DCLRE1A: variants seen among roughly 807,000 people sequenced by gnomAD.
DCLRE1A encodes DNA cross-link repair 1A protein.
A neutral mutation model predicts 91.9 loss-of-function variants in DCLRE1A; 64 were observed. The observed-to-expected ratio is 0.70, with a 90% CI of 0.57 to 0.86. The LOEUF (loss-of-function observed/expected upper bound fraction) is 0.86. DCLRE1A is among the 40% of genes least tolerant of loss of function. The pLI, the probability that DCLRE1A is intolerant of heterozygous loss-of-function variation, is 0.00. For missense variants in DCLRE1A, 1,145 were observed against 1,213.3 expected, an observed-to-expected ratio of 0.94 and a Z score of 0.84; for synonymous variants, 416 against 431.1, an observed-to-expected ratio of 0.96 and a Z score of 0.43.
chr10:113,845,634 G>A (rs762626147), intron 4 of DCLRE1A, 51 bp downstream of exon 4: 2 of 1,355,428 alleles, frequency 1.5e-6, no homozygotes, highest in South Asian at 1.2e-5. Context: ...CCAATGTGTT[G>A]TCCTTTTGAA....
chr10:113,853,000 C>G lies in DCLRE1A; in HGVS notation c.183G>C (p.Lys61Asn). 1 of 1,614,086 alleles carries G rather than the reference C, an allele frequency of 6.2e-7. No homozygotes were observed. The highest frequency in any genetic ancestry group is 1.1e-5 in the South Asian group (1 of 91,070). ...CATTTCCAAGGGGCACTTCATGGTC[C>G]TTCACCTCTTTAGCTTCTGCGGCTC... ...RKRAAEAKEV[K>N]DHEVPLGNAG... Residue 61 changes from lysine to asparagine, a missense_variant, in exon 1 of 9, where the codon AAG becomes AAC. Coordinates refer to ENST00000361384, the MANE Select transcript of DCLRE1A (RefSeq NM_014881.5).
chr10:113,837,453 C>T (rs572981670), intron 7 of DCLRE1A, among the ~76,000 whole-genome samples: 1 of 152,126 alleles, frequency 6.6e-6, no homozygotes, highest in East Asian at 1.9e-4. Context: ...CAACTTTAAA[C>T]ACAAGTAATT....
chr10:113,843,545 A>C (rs1309652651), intron 5 of DCLRE1A, among the ~76,000 whole-genome samples: 1 of 152,210 alleles, frequency 6.6e-6, no homozygotes, highest in Non-Finnish European at 1.5e-5. Context: ...GAGATATTTT[A>C]ATATATAAAA....
chr10:113,842,746 C>T (rs897565135), intron 5 of DCLRE1A, among the ~76,000 whole-genome samples: 8 of 152,022 alleles, frequency 5.3e-5, no homozygotes, highest in Non-Finnish European at 8.8e-5. Flanking sequence ...TTTTTGAAGA[C>T]TTTTTTCCTC....
At chr10:113,836,968 G>T in intron 8 of DCLRE1A, 94 bp downstream of exon 8, 1 of 1,081,038 alleles carries the variant, frequency 9.3e-7, no homozygotes, top group Non-Finnish European at 1.3e-6. Context: ...ATTCTTTGGT[G>T]CCTGTTTTTG....
chr10:113,853,378 A>T lies in DCLRE1A; in HGVS notation c.-196T>A. 1 of 531,848 alleles carries T rather than the reference A, an allele frequency of 1.9e-6. No individual in the cohort carries two copies. The highest frequency in any genetic ancestry group is 2.7e-5 in the South Asian group (1 of 36,494). The allele number at this position is 531,848 out of a possible 1,614,324, so 32.9% of individuals were successfully genotyped here. On this transcript the variant is annotated 5_prime_UTR_variant, in exon 1 of 9. Coordinates refer to ENST00000361384, the MANE Select transcript of DCLRE1A (RefSeq NM_014881.5). ...AGCTACAAACCTTGTACCTGACAAC[A>T]CCTGCTATTCCATTTATACCACAAT... is the stretch of plus-strand genomic sequence containing the variant.
rs778587689 is a variant in DCLRE1A at position 113,842,422 on chromosome 10, G to A, written c.2586C>T (p.Ala862=). The A allele has an allele frequency of 2.8e-5, 45 of 1,613,782 alleles. 1 individual carries two copies. The South Asian group carries it at 4.8e-4, about 17-fold the overall frequency. ...GTGGGTTTAGAGTTACAGCCTCAAA[G>A]GCAGTGTTGATGGCAAACCGGATAA... ...QEVIRFAINT[A]FEAVTLNPHA... is the part of the protein sequence containing the mutation. The change falls in exon 6 of 9, where the codon GCC becomes GCT. Residue 862 remains alanine (A), a synonymous_variant. Coordinates refer to ENST00000361384, the MANE Select transcript of DCLRE1A (RefSeq NM_014881.5).
rs370292907 is a variant in DCLRE1A, at chr10:113,849,598, C to T, written c.1507G>A (p.Ala503Thr). ...NLNAKNNTNSACFCRKALEGV... is the reference protein window; with the variant it reads ...NLNAKNNTNSTCFCRKALEGV... The stretch of plus-strand genomic sequence containing the variant: ...TCTAATGCCTTTCTGCAGAAACATG[C>T]TGAGTTAGTATTATTCTTAGCATTC... The change falls in exon 2 of 9, where the codon GCA (alanine) becomes ACA (threonine). Residue 503 changes from alanine to threonine, a missense_variant. By Grantham distance (58) the Ala-to-Thr change is moderately conservative. Coordinates refer to ENST00000361384, the MANE Select transcript of DCLRE1A (RefSeq NM_014881.5). The T allele has an allele frequency of 2.5e-6, 4 of 1,613,852 alleles. No homozygotes were observed. The highest frequency in any genetic ancestry group is 3.4e-6 in the Non-Finnish European group (4 of 1,179,986).
intron 2 of DCLRE1A, among the ~76,000 whole-genome samples, chr10:113,847,729 C>T (rs1464639092): frequency 6.6e-6 from 1 of 151,954 alleles, no homozygotes; most frequent in Non-Finnish European, 1.5e-5. Context: ...TCTAAGGAAG[C>T]CAAAATGGTT....
Position 113,842,499 on chromosome 10 carries a change from G to A in DCLRE1A, c.2520-11C>T, listed in dbSNP as rs1845461990. ...TCTGGGCTACAATATCTGTGGTATG[G>A]AAACATGGTACTTACTAAAAGAACA... On this transcript the variant is annotated splice_polypyrimidine_tract_variant and intron_variant, in intron 5 of 8. Coordinates refer to ENST00000361384, the MANE Select transcript of DCLRE1A (RefSeq NM_014881.5). The A allele has an allele frequency of 6.2e-7, 1 of 1,609,880 alleles. No individual in the cohort carries two copies.
chr10:113,840,762 T>C (rs1244533535), intron 7 of DCLRE1A, among the ~76,000 whole-genome samples: 1 of 152,188 alleles, frequency 6.6e-6, no homozygotes, highest in African/African-American at 2.4e-5. Flanking sequence ...ATGCATTATG[T>C]TCTGAATTTA....
At chr10:113,852,074 T>C (rs1845658451) in intron 1 of DCLRE1A, among the ~76,000 whole-genome samples, 1 of 152,158 alleles carries the variant, frequency 6.6e-6, no homozygotes, top group Non-Finnish European at 1.5e-5. Context: ...CGGTGGTTCA[T>C]GCCTGTAATA....
Position 113,844,154 on chromosome 10 carries a change from T to C in DCLRE1A, c.2469A>G (p.Glu823=). 3 of 1,614,168 alleles carry C rather than the reference T, an allele frequency of 1.9e-6. No homozygotes were observed. The highest frequency in any genetic ancestry group is 1.7e-6 in the Non-Finnish European group (2 of 1,180,018). The change falls in exon 5 of 9, where the codon GAA becomes GAG. Residue 823 remains glutamate (E), a synonymous_variant. Transcript: ENST00000361384. ...TGDFRADPSM[E]RSLLADQKVH... ...CTTTCTGGTCCGCAAGAAGAGAACG[T>C]TCCATGCTGGGATCTGCTCTGAAGT...
At chr10:113,846,094 T>C (rs910080540) in intron 3 of DCLRE1A, among the ~76,000 whole-genome samples, 1 of 152,166 alleles carries the variant, frequency 6.6e-6, no homozygotes, top group Non-Finnish European at 1.5e-5. Flanking sequence ...TGTTATTCCC[T>C]ACCTTGTGTT....
At position 113,849,947 on chromosome 10, in the gene DCLRE1A, T is replaced by A. The variant is rs1845614206; in HGVS notation, c.1158A>T (p.Gln386His). 1 of 1,614,102 alleles carries A rather than the reference T, an allele frequency of 6.2e-7. No individual in the cohort carries two copies. The highest frequency in any genetic ancestry group is 8.5e-7 in the Non-Finnish European group (1 of 1,180,018). Residue 386 changes from glutamine (Q) to histidine (H), a missense_variant, in exon 2 of 9, where the codon CAA becomes CAT. Gln to His is a conservative substitution (Grantham distance 24). Transcript: ENST00000361384. ...TACTCTCATTATTTTGAGAAATAGG[T>A]TGAGACAAATCATTTAGACTATTGA... ...YRFNSLNDLS[Q>H]PISQNNESTL... is the part of the protein sequence containing the mutation.
chr10:113,841,594 CT>C (rs751186832), intron 6 of DCLRE1A, 34 bp from the exon 7 acceptor site: 1 of 1,554,476 alleles, frequency 6.4e-7, no homozygotes, highest in African/African-American at 1.4e-5. Flanking sequence ...AAATAGTAAA[CT>C]TACAGCTTGT....
chr10:113,835,861 G>A (rs1166752349), intron 8 of DCLRE1A, among the ~76,000 whole-genome samples: 1 of 152,178 alleles, frequency 6.6e-6, no homozygotes, highest in African/African-American at 2.4e-5. Flanking sequence ...CTTGAACCCA[G>A]TAGATGGAGG....
chr10:113,850,403 A>C lies in DCLRE1A; in HGVS notation c.702T>G (p.Tyr234Ter). The change falls in exon 2 of 9, where the codon TAT becomes TAG. Residue 234 changes from tyrosine to a stop codon, truncating the protein, a stop_gained. Transcript: ENST00000361384. LOFTEE classifies it high-confidence loss of function. Reference sequence around the variant, plus strand: ...CAGTCAGAGACGGAGACTTTTTAAAATACTGTGTCATCAATAAGGGATCAT... The same window carrying C: ...CAGTCAGAGACGGAGACTTTTTAAACTACTGTGTCATCAATAAGGGATCAT... ...VSNDPLLMTQ[Y>*]FKKSPSLTEA... 6.2e-7 allele frequency: 1 copy of C among 1,614,236 alleles called. No individual in the cohort carries two copies. Among genetic ancestry groups the C allele is most frequent in the East Asian group, 2.2e-5 (1 of 44,888 alleles).
intron 7 of DCLRE1A, 36 bp downstream of exon 7, chr10:113,841,370 T>C (rs778900803): frequency 1.3e-6 from 2 of 1,594,872 alleles, no homozygotes; most frequent in South Asian, 1.2e-5. Context: ...TTACCTTTTT[T>C]GTTCATCCTA....
Sources: gnomAD v4.1 joint callset for allele counts (sites outside exome capture counted in the v4.1 genomes callset) on GRCh38, gnomAD v4.1.1 for gene constraint, MANE v1.5 for transcripts, NCBI Gene and HGNC (gene_info 2026-07-23, HGNC 2026-07-21) for gene names.